The following ARHGAP18 variants were observed in gnomAD, a reference collection of about 807,000 sequenced individuals.
ARHGAP18 encodes Rho GTPase activating protein 18.
ARHGAP18 carries 67 observed loss-of-function variants against 86.2 expected under a neutral mutation model. That is an observed-to-expected ratio of 0.78 (90% confidence interval 0.64 to 0.95). ARHGAP18 has a LOEUF of 0.95. ARHGAP18 is among the 40% of genes least tolerant of loss of function. The probability of loss-of-function intolerance (pLI) is 0.00; values close to 1 mark genes in which losing one functional copy is unlikely to be tolerated. For missense variants in ARHGAP18, 691 were observed against 780.4 expected (o/e 0.89, Z 1.37); for synonymous variants, 283 against 280.4 (o/e 1.01, Z -0.09).
chr6:129,658,766 AC>A lies in ARHGAP18; in HGVS notation c.114-16749del, dbSNP rs199990688. 6.2e-3 allele frequency among the ~76,000 whole-genome samples: 951 copies of A among 152,252 alleles called. 15 individuals carry two copies. The highest frequency in any genetic ancestry group is 0.022 in the African/African-American group (915 of 41,490). ...CAAAAACACAACTTGAACTGAGTTC[AC>A]TGGTAGAGTCTTCACTGAAACAAAT... is the stretch of plus-strand genomic sequence containing the variant. On this transcript the variant is annotated intron_variant, in intron 1 of 14. Coordinates refer to ENST00000368149, the MANE Select transcript of ARHGAP18 (RefSeq NM_033515.3).
At chr6:129,691,350 T>C (rs1377990680) in intron 1 of ARHGAP18, among the ~76,000 whole-genome samples, 2 of 152,190 alleles carry the variant, frequency 1.3e-5, no homozygotes, top group African/African-American at 4.8e-5. Context: ...TGGGAAAATA[T>C]TGAATCATGC....
rs377644723 is a variant in ARHGAP18, at chr6:129,622,604, G to A, written c.787-3752C>T. ...TTAAATATTTATGAAGTTTCCTGTC[G>A]TTTTTTGTTTAGTTAATAGACTGAA... On this transcript the variant is annotated intron_variant, in intron 5 of 14. Coordinates refer to ENST00000368149, the MANE Select transcript of ARHGAP18 (RefSeq NM_033515.3). 4.6e-5 allele frequency among the ~76,000 whole-genome samples: 7 copies of A among 152,166 alleles called. No individual in the cohort carries two copies. The South Asian group carries it at 1.0e-3, about 23-fold the overall frequency.
intron 12 of ARHGAP18, among the ~76,000 whole-genome samples, chr6:129,594,946 T>C (rs536181837): frequency 6.6e-6 from 1 of 152,300 alleles, no homozygotes; most frequent in South Asian, 2.1e-4. Flanking sequence ...AGTCCTTCTG[T>C]GATCTATGGA....
At chr6:129,682,411 C>G (rs1774340180) in intron 1 of ARHGAP18, among the ~76,000 whole-genome samples, 1 of 152,296 alleles carries the variant, frequency 6.6e-6, no homozygotes, top group Middle Eastern at 3.4e-3. Flanking sequence ...ACCCCCAGAA[C>G]AATACATGAG....
In ARHGAP18 at chr6:129,686,812, T is replaced by C. The variant is rs545104438; in HGVS notation, c.113+23212A>G. On this transcript the variant is annotated intron_variant, in intron 1 of 14. Coordinates refer to ENST00000368149, the MANE Select transcript of ARHGAP18 (RefSeq NM_033515.3). The stretch of plus-strand genomic sequence containing the variant: ...CCTTTTTTTTTTTTTTTTTTTGAGA[T>C]GGAGTCTCGCTCTCGTGGCCCAGGC... Among the ~76,000 whole-genome samples, 3 of 139,584 alleles carry C rather than the reference T, an allele frequency of 2.1e-5. No individual in the cohort carries two copies. The East Asian group carries it at 6.2e-4, about 29-fold the overall frequency. 91.6% of individuals were successfully genotyped at this position (139,584 alleles called of 152,430 possible).
At chr6:129,671,626 G>A (rs947213634) in intron 1 of ARHGAP18, among the ~76,000 whole-genome samples, 12 of 152,166 alleles carry the variant, frequency 7.9e-5, no homozygotes, top group African/African-American at 2.9e-4. Flanking sequence ...AGGATTGCTT[G>A]AGCCCAGGAG....
At chr6:129,705,876 G>C (rs1774794214) in intron 1 of ARHGAP18, among the ~76,000 whole-genome samples, 1 of 152,268 alleles carries the variant, frequency 6.6e-6, no homozygotes, top group South Asian at 2.1e-4. Flanking sequence ...ATGAATGAGA[G>C]AGCTGGGATA....
At chr6:129,615,301 C>G (rs1789073240) in intron 7 of ARHGAP18, among the ~76,000 whole-genome samples, 2 of 152,104 alleles carry the variant, frequency 1.3e-5, no homozygotes, top group Non-Finnish European at 2.9e-5. Flanking sequence ...CTAAAAGAGG[C>G]TGATGGGTGG....
At chr6:129,578,682 A>C in intron 14 of ARHGAP18, 78 bp from the exon 15 acceptor site, 1 of 1,214,094 alleles carries the variant, frequency 8.2e-7, no homozygotes, top group South Asian at 1.4e-5. Context: ...TTAATTATTT[A>C]ACTCTTAAGT....
intron 1 of ARHGAP18, among the ~76,000 whole-genome samples, chr6:129,651,800 A>G (rs1773716382): frequency 6.6e-6 from 1 of 152,232 alleles, no homozygotes; most frequent in Non-Finnish European, 1.5e-5. Context: ...GTTAACATCT[A>G]TAGCTCCTTG....
chr6:129,689,683 C>T (rs1774491051), intron 1 of ARHGAP18, among the ~76,000 whole-genome samples: 2 of 152,206 alleles, frequency 1.3e-5, no homozygotes, highest in African/African-American at 4.8e-5. Flanking sequence ...TCCACTTAAA[C>T]ATTATAGGTT....
intron 11 of ARHGAP18, 119 bp from the exon 12 acceptor site, chr6:129,599,475 GAC>G: frequency 1.1e-6 from 1 of 913,096 alleles, no homozygotes; most frequent in Non-Finnish European, 1.5e-6. Context: ...TTTTTGATAA[GAC>G]TGCCATTTTA....
chr6:129,594,453 T>C (rs1562681132), intron 12 of ARHGAP18, among the ~76,000 whole-genome samples: 1 of 152,298 alleles, frequency 6.6e-6, no homozygotes, highest in East Asian at 1.9e-4. Flanking sequence ...TGGAATCCCC[T>C]AGAGATCTCT....
intron 1 of ARHGAP18, among the ~76,000 whole-genome samples, chr6:129,648,028 A>T (rs531955438): frequency 6.6e-6 from 1 of 152,340 alleles, no homozygotes; most frequent in African/African-American, 2.4e-5. Context: ...GCCAAGGCAA[A>T]AGTAATCTTG....
intron 1 of ARHGAP18, among the ~76,000 whole-genome samples, chr6:129,683,265 G>C (rs915335797): frequency 6.6e-6 from 1 of 151,866 alleles, no homozygotes; most frequent in African/African-American, 2.4e-5. Flanking sequence ...TAGAGACCGG[G>C]TTTCACCATG....
At chr6:129,616,432 G>A (rs1455108783) in intron 6 of ARHGAP18, 129 bp from the exon 7 acceptor site, 1 of 686,386 alleles carries the variant, frequency 1.5e-6, no homozygotes, top group African/African-American at 1.8e-5. Context: ...CTAAGTGAAT[G>A]ACAGCATCTC....
chr6:129,596,748 C>T (rs1441241231), intron 12 of ARHGAP18: 1 of 152,106 alleles, frequency 6.6e-6, no homozygotes, highest in Non-Finnish European at 1.5e-5. Flanking sequence ...AGTCAAGAAA[C>T]TACAGCAACC....
intron 1 of ARHGAP18, among the ~76,000 whole-genome samples, chr6:129,669,158 G>A (rs1400800903): frequency 1.3e-5 from 2 of 151,128 alleles, no homozygotes; most frequent in African/African-American, 4.9e-5. Flanking sequence ...GCTGTGCTTG[G>A]CATCTAACAC....
chr6:129,665,592 G>A (rs1048088233), intron 1 of ARHGAP18, among the ~76,000 whole-genome samples: 1 of 152,120 alleles, frequency 6.6e-6, no homozygotes, highest in African/African-American at 2.4e-5. Context: ...AAGTAAGAGA[G>A]CCAAGTCTTG....
Sources: gnomAD v4.1 joint callset for allele counts (sites outside exome capture counted in the v4.1 genomes callset) on GRCh38, gnomAD v4.1.1 for gene constraint, MANE v1.5 for transcripts, NCBI Gene and HGNC (gene_info 2026-07-23, HGNC 2026-07-21) for gene names.